Variants in RIMS2 observed in about 807,000 individuals in gnomAD.
RIMS2 encodes regulating synaptic membrane exocytosis protein 2.
RIMS2 carries 59 observed loss-of-function variants against 174.4 expected under a neutral mutation model. The observed-to-expected ratio is 0.34, with a 90% CI of 0.27 to 0.42. The LOEUF is 0.42. Ranked by LOEUF, RIMS2 falls within the 10% of genes least tolerant of loss-of-function variation. RIMS2 has a pLI of 1.00. For synonymous variants in RIMS2, 606 were observed against 572.5 expected (o/e 1.06, Z -0.84); for missense variants, 1,620 against 1,666.3 (o/e 0.97, Z 0.48).
chr8:103,674,120 G>T (rs145060428), intron 1 of RIMS2, among the ~76,000 whole-genome samples: 4 of 152,282 alleles, frequency 2.6e-5, no homozygotes, highest in South Asian at 2.1e-4. Context: ...TCCCAGTAAG[G>T]TTCTCATTTC....
At chr8:103,878,347 G>A (rs973607500) in intron 3 of RIMS2, among the ~76,000 whole-genome samples, 2 of 151,708 alleles carry the variant, frequency 1.3e-5, no homozygotes. Context: ...ATATTCCTAG[G>A]TATTTTATGT....
intron 19 of RIMS2, among the ~76,000 whole-genome samples, chr8:104,173,067 T>A (rs1563534343): frequency 1.3e-5 from 2 of 152,220 alleles, no homozygotes; most frequent in African/African-American, 2.4e-5. Flanking sequence ...TTTTTTGTAG[T>A]CTCTGCATAA....
intron 1 of RIMS2, among the ~76,000 whole-genome samples, chr8:103,690,553 A>G (rs947185811): frequency 2.0e-5 from 3 of 152,226 alleles, no homozygotes; most frequent in East Asian, 1.9e-4. Flanking sequence ...CACTGACTGC[A>G]TAAACTAATA....
At chr8:103,700,236 T>C (rs1337716926) in intron 2 of RIMS2, among the ~76,000 whole-genome samples, 1 of 152,132 alleles carries the variant, frequency 6.6e-6, no homozygotes, top group Non-Finnish European at 1.5e-5. Flanking sequence ...TTTTATGTAT[T>C]TTTAGCCTCT....
At chr8:103,535,372 C>A (rs1439631410) in intron 1 of RIMS2, among the ~76,000 whole-genome samples, 1 of 152,212 alleles carries the variant, frequency 6.6e-6, no homozygotes, top group Non-Finnish European at 1.5e-5. Context: ...AGACTTTTGA[C>A]TCTGATATTA....
intron 3 of RIMS2, among the ~76,000 whole-genome samples, chr8:103,777,196 A>G (rs1019522339): frequency 5.3e-5 from 8 of 152,066 alleles, no homozygotes; most frequent in Non-Finnish European, 1.2e-4. Flanking sequence ...ATGAGTAGAT[A>G]AGTAAAAAAG....
intron 2 of RIMS2, among the ~76,000 whole-genome samples, chr8:103,749,015 T>C (rs1214816692): frequency 6.6e-6 from 1 of 152,020 alleles, no homozygotes; most frequent in Non-Finnish European, 1.5e-5. Context: ...GTCAGGCTGG[T>C]CTCAAACTCC....
chr8:103,822,257 T>C (rs2098756631), intron 3 of RIMS2, among the ~76,000 whole-genome samples: 1 of 151,764 alleles, frequency 6.6e-6, no homozygotes, highest in Non-Finnish European at 1.5e-5. Context: ...TCCCCAAATC[T>C]GCAACTCAAC....
exon 23 of RIMS2, chr8:104,251,127 A>G (rs2099357790): frequency 5.0e-6 from 8 of 1,613,270 alleles, no homozygotes; most frequent in Non-Finnish European, 6.8e-6. Flanking sequence ...AGCAGCTATT[A>G]TCTTTCGAAG....
intron 1 of RIMS2, among the ~76,000 whole-genome samples, chr8:103,534,902 C>G (rs1839081222): frequency 6.6e-6 from 1 of 152,136 alleles, no homozygotes; most frequent in South Asian, 2.1e-4. Context: ...GGAAAAAAAG[C>G]TTGCCAACCC....
intron 19 of RIMS2, among the ~76,000 whole-genome samples, chr8:104,168,180 T>C (rs74787538): frequency 0.03 from 4,567 of 152,072 alleles, 208 homozygotes; most frequent in African/African-American, 0.098. Flanking sequence ...AATTTTAGGA[T>C]TTTTTTCTAG....
chr8:103,596,216 ATATT>A (rs1231327148), intron 1 of RIMS2, among the ~76,000 whole-genome samples: 1 of 152,002 alleles, frequency 6.6e-6, no homozygotes, highest in East Asian at 1.9e-4. Context: ...ATTTTTTGAA[ATATT>A]TATTTAAGTT....
chr8:103,750,735 G>T (rs60552383), intron 2 of RIMS2, among the ~76,000 whole-genome samples: 1 of 152,010 alleles, frequency 6.6e-6, no homozygotes, highest in African/African-American at 2.4e-5. Context: ...TCCCCTGCTG[G>T]CACTCATTCT....
At chr8:103,607,985 CCTT>C (rs1193014299) in intron 1 of RIMS2, among the ~76,000 whole-genome samples, 3 of 146,784 alleles carry the variant, frequency 2.0e-5, no homozygotes, top group African/African-American at 5.2e-5. Context: ...TCGTCTGAAG[CCTT>C]CTTCTCTCAG....
At chr8:103,950,053 C>T (rs913332903) in intron 14 of RIMS2, among the ~76,000 whole-genome samples, 1 of 152,062 alleles carries the variant, frequency 6.6e-6, no homozygotes, top group African/African-American at 2.4e-5. Context: ...TTGAAACACA[C>T]AAACTTGAGT....
chr8:104,196,066 A>G (rs1435312912), intron 19 of RIMS2, among the ~76,000 whole-genome samples: 2 of 152,170 alleles, frequency 1.3e-5, no homozygotes. Flanking sequence ...TTATTTTTAT[A>G]AAACATGAAA....
chr8:104,006,004 G>A (rs2095562425), intron 17 of RIMS2, among the ~76,000 whole-genome samples: 1 of 151,966 alleles, frequency 6.6e-6, no homozygotes, highest in African/African-American at 2.4e-5. Context: ...TCAATGTGAT[G>A]TAAGCCAATA....
intron 1 of RIMS2, among the ~76,000 whole-genome samples, chr8:103,587,409 G>GAGAAAGAAAGAAAGAAAGAAAGA (rs370330667): frequency 1.7e-5 from 2 of 117,044 alleles, no homozygotes; most frequent in East Asian, 5.0e-4. Flanking sequence ...GAAGAAAAAA[G>GAGAAAGAAAGAAAGAAAGAAAGA]AAGAAAGAAA....
At chr8:103,540,147 G>A (rs112761237) in intron 1 of RIMS2, among the ~76,000 whole-genome samples, 3 of 152,192 alleles carry the variant, frequency 2.0e-5, no homozygotes, top group African/African-American at 4.8e-5. Flanking sequence ...TACTCCACAC[G>A]TTTGTGCCTC....
Sources: allele counts gnomAD v4.1 joint callset (sites outside exome capture counted in the v4.1 genomes callset), GRCh38; gene constraint gnomAD v4.1.1; transcripts MANE v1.5; gene names NCBI Gene and HGNC (gene_info 2026-07-23, HGNC 2026-07-21).